Variants in MOCOS observed in about 807,000 individuals in gnomAD.
MOCOS encodes the protein molybdenum cofactor sulfurase.
A neutral mutation model predicts 83.6 loss-of-function variants in MOCOS; 86 were observed. The ratio of observed to expected loss-of-function variants is 1.03; its 90% CI spans 0.86 to 1.23. The LOEUF (loss-of-function observed/expected upper bound fraction) is 1.23. Ranked by LOEUF, MOCOS falls within the 50% of genes most tolerant of loss-of-function variation. The pLI is 0.00. For missense variants in MOCOS, 1,120 were observed against 1,126.9 expected (o/e 0.99, Z 0.09); for synonymous variants, 445 against 434.7 (o/e 1.02, Z -0.29).
At chr18:36,200,373 C>A in intron 4 of MOCOS, 49 bp downstream of exon 4, 1 of 1,606,488 alleles carries the variant, frequency 6.2e-7, no homozygotes, top group South Asian at 1.1e-5. Flanking sequence ...AAGGTGGGGT[C>A]TGGCCTGTTT....
At chr18:36,237,783 G>T (rs1456804716) in intron 9 of MOCOS, among the ~76,000 whole-genome samples, 2 of 151,250 alleles carry the variant, frequency 1.3e-5, no homozygotes, top group South Asian at 2.1e-4. Context: ...TGGTTGGTAA[G>T]CTATTGATTA....
chr18:36,248,235 T>C (rs901615175), intron 9 of MOCOS, among the ~76,000 whole-genome samples: 1 of 152,240 alleles, frequency 6.6e-6, no homozygotes, highest in Non-Finnish European at 1.5e-5. Context: ...ATTAGCCATT[T>C]GCATGTCTTC....
chr18:36,262,770 T>A lies in MOCOS; in HGVS notation c.2409+2595T>A, dbSNP rs906803555. ...AGCCTCAGCCTCCCAGTGTTGGGAT[T>A]ATAGGCATAGGCCACCACGCTTGGC... On this transcript the variant is annotated intron_variant, in intron 13 of 14. Coordinates refer to ENST00000261326, the MANE Select transcript of MOCOS (RefSeq NM_017947.4). 2.0e-5 allele frequency among the ~76,000 whole-genome samples: 3 copies of A among 152,196 alleles called. No homozygotes were observed. The East Asian group carries it at 5.8e-4, about 29-fold the overall frequency.
At chr18:36,242,630 G>A (rs1215596643) in intron 9 of MOCOS, among the ~76,000 whole-genome samples, 7 of 152,204 alleles carry the variant, frequency 4.6e-5, no homozygotes, top group African/African-American at 1.7e-4. Flanking sequence ...CAGTTTAATT[G>A]ACTCACAGTT....
At position 36,263,646 on chromosome 18, in the gene MOCOS, T is replaced by TCTGGGATGTC. The variant is rs1222211634; in HGVS notation, c.2410-3094_2410-3085dup. Among the ~76,000 whole-genome samples, 12 of 152,186 alleles carry TCTGGGATGTC rather than the reference T, an allele frequency of 7.9e-5. No homozygotes were observed. In the South Asian group the frequency reaches 2.5e-3, roughly 32 times the overall value. On this transcript the variant is annotated intron_variant, in intron 13 of 14. Coordinates refer to ENST00000261326, the MANE Select transcript of MOCOS (RefSeq NM_017947.4). The stretch of plus-strand genomic sequence containing the variant: ...GATGTCCTAGGATGGCCGGGGACAA[T>TCTGGGATGTC]CTGGGATGTCCTGGGATGGTCTGCA...
intron 5 of MOCOS, among the ~76,000 whole-genome samples, chr18:36,204,867 CCT>C (rs1011565289): frequency 6.6e-6 from 1 of 151,706 alleles, no homozygotes; most frequent in African/African-American, 2.4e-5. Context: ...GTGGTGAATG[CCT>C]GTCGTCCCAG....
intron 9 of MOCOS, among the ~76,000 whole-genome samples, chr18:36,230,685 T>A (rs1446794461): frequency 6.6e-6 from 1 of 152,058 alleles, no homozygotes; most frequent in African/African-American, 2.4e-5. Context: ...AAGGTTGGGG[T>A]GCTAGACACA....
chr18:36,242,402 A>C (rs1193995853), intron 9 of MOCOS, among the ~76,000 whole-genome samples: 6 of 152,186 alleles, frequency 3.9e-5, no homozygotes, highest in Admixed American at 1.3e-4. Context: ...AAACCATTCA[A>C]CAAGTCTCTA....
At chr18:36,250,591 C>G (rs935830340) in intron 10 of MOCOS, among the ~76,000 whole-genome samples, 7 of 152,182 alleles carry the variant, frequency 4.6e-5, no homozygotes, top group Non-Finnish European at 1.0e-4. Context: ...GTACTTGCAC[C>G]AATGTCACCA....
intron 9 of MOCOS, among the ~76,000 whole-genome samples, chr18:36,231,693 AT>A (rs2144932901): frequency 6.6e-6 from 1 of 152,250 alleles, no homozygotes; most frequent in Non-Finnish European, 1.5e-5. Flanking sequence ...TTGTCTGTCT[AT>A]TTCTAAAGGA....
chr18:36,203,922 T>C (rs538393736), intron 5 of MOCOS, among the ~76,000 whole-genome samples: 1 of 152,256 alleles, frequency 6.6e-6, no homozygotes, highest in African/African-American at 2.4e-5. Context: ...CAAGGAAAGA[T>C]ATTAACAGGG....
intron 3 of MOCOS, 63 bp downstream of exon 3, chr18:36,198,819 C>T (rs1841007712): frequency 3.9e-6 from 6 of 1,552,700 alleles, no homozygotes; most frequent in Non-Finnish European, 4.4e-6. Context: ...CTTCCTAGGA[C>T]TTGCCTGCAT....
intron 9 of MOCOS, among the ~76,000 whole-genome samples, chr18:36,231,848 C>T (rs1411303332): frequency 2.0e-5 from 3 of 152,194 alleles, no homozygotes; most frequent in Non-Finnish European, 4.4e-5. Flanking sequence ...TTGCTCAGTG[C>T]ACATACTATT....
At chr18:36,213,539 T>C (rs980086532) in intron 7 of MOCOS, 57 bp downstream of exon 7, 2 of 1,436,640 alleles carry the variant, frequency 1.4e-6, no homozygotes, top group Non-Finnish European at 2.0e-6. Context: ...CAACACCTGT[T>C]GCTGCCTGTG....
At chr18:36,265,519 A>G in intron 13 of MOCOS, among the ~76,000 whole-genome samples, 1 of 152,198 alleles carries the variant, frequency 6.6e-6, no homozygotes, top group East Asian at 1.9e-4. Flanking sequence ...TGAGGAGAAA[A>G]TGGTTATGAG....
intron 12 of MOCOS, among the ~76,000 whole-genome samples, chr18:36,257,555 C>T (rs1371675845): frequency 2.0e-5 from 3 of 152,044 alleles, no homozygotes; most frequent in Non-Finnish European, 1.5e-5. Flanking sequence ...GAATTAGCAC[C>T]CCTCCCTGCC....
At chr18:36,261,933 A>C in intron 13 of MOCOS, among the ~76,000 whole-genome samples, 1 of 152,222 alleles carries the variant, frequency 6.6e-6, no homozygotes, top group East Asian at 1.9e-4. Flanking sequence ...AAAAGGGAAG[A>C]GAACTAGAAC....
chr18:36,228,836 GAAAAA>G (rs34976015), intron 9 of MOCOS, among the ~76,000 whole-genome samples: 1 of 116,418 alleles, frequency 8.6e-6, no homozygotes, highest in Admixed American at 8.8e-5. Flanking sequence ...CTTAAAAGTT[GAAAAA>G]AAAAAAAAAA....
At chr18:36,236,974 A>G (rs2091561871) in intron 9 of MOCOS, among the ~76,000 whole-genome samples, 1 of 152,062 alleles carries the variant, frequency 6.6e-6, no homozygotes, top group Non-Finnish European at 1.5e-5. Flanking sequence ...ATTTTTGCAC[A>G]TTGATTTTGT....
Sources: gnomAD v4.1 joint callset for allele counts (sites outside exome capture counted in the v4.1 genomes callset) on GRCh38, gnomAD v4.1.1 for gene constraint, MANE v1.5 for transcripts, NCBI Gene and HGNC (gene_info 2026-07-23, HGNC 2026-07-21) for gene names.